The following PRR5L variants were observed in gnomAD, a reference collection of about 807,000 sequenced individuals.
The protein encoded by PRR5L is proline-rich protein 5-like.
PRR5L carries 21 observed loss-of-function variants against 36.4 expected under a neutral mutation model. The observed-to-expected ratio is 0.58, with a 90% CI of 0.41 to 0.83. PRR5L has a LOEUF of 0.83. Among genes scored for constraint, PRR5L ranks in the 40% least tolerant of loss-of-function variants. The pLI, the probability that PRR5L is intolerant of heterozygous loss-of-function variation, is 0.00. For missense variants in PRR5L, 381 were observed against 473.3 expected, an observed-to-expected ratio of 0.80 and a Z score of 1.81; for synonymous variants, 188 against 197.0, an observed-to-expected ratio of 0.95 and a Z score of 0.38.
intron 1 of PRR5L, among the ~76,000 whole-genome samples, chr11:36,298,784 A>T (rs892803715): frequency 6.6e-6 from 1 of 152,136 alleles, no homozygotes; most frequent in Non-Finnish European, 1.5e-5. Context: ...AAGGTGTTGG[A>T]AGGTTTGTTT....
intron 1 of PRR5L, among the ~76,000 whole-genome samples, chr11:36,359,420 ATTAAT>A (rs1857061899): frequency 6.6e-6 from 1 of 152,178 alleles, no homozygotes; most frequent in Non-Finnish European, 1.5e-5. Flanking sequence ...TTTGAAATGG[ATTAAT>A]TTGTTACTGG....
At chr11:36,431,405 G>C (rs1858489879) in intron 4 of PRR5L, among the ~76,000 whole-genome samples, 1 of 152,132 alleles carries the variant, frequency 6.6e-6, no homozygotes, top group African/African-American at 2.4e-5. Flanking sequence ...TGCTGCTTAA[G>C]ATTTTGCACG....
At chr11:36,321,951 T>C (rs1286000684) in intron 1 of PRR5L, among the ~76,000 whole-genome samples, 1 of 152,182 alleles carries the variant, frequency 6.6e-6, no homozygotes, top group African/African-American at 2.4e-5. Context: ...AGCCCACTTA[T>C]TTAATGTCGT....
At chr11:36,353,574 G>A (rs61878710) in intron 1 of PRR5L, among the ~76,000 whole-genome samples, 38,403 of 152,058 alleles carry the variant, frequency 0.25, 5,548 homozygotes, top group Non-Finnish European at 0.33. Context: ...CCAGGGACTA[G>A]TTTTGTGGAA....
intron 3 of PRR5L, among the ~76,000 whole-genome samples, chr11:36,405,380 G>A (rs1857888520): frequency 6.6e-6 from 1 of 152,122 alleles, no homozygotes; most frequent in African/African-American, 2.4e-5. Flanking sequence ...CCAAACATTG[G>A]TGCAGGCCAA....
intron 8 of PRR5L, among the ~76,000 whole-genome samples, chr11:36,453,505 G>A (rs1406620955): frequency 6.6e-6 from 1 of 152,234 alleles, no homozygotes; most frequent in African/African-American, 2.4e-5. Flanking sequence ...TGCCTCTAGA[G>A]AGTTGTCGCA....
intron 6 of PRR5L, among the ~76,000 whole-genome samples, chr11:36,445,808 T>G (rs2133617251): frequency 6.6e-6 from 1 of 152,342 alleles, no homozygotes; most frequent in East Asian, 1.9e-4. Context: ...TCCCCACAAT[T>G]GAACAAATCC....
intron 1 of PRR5L, among the ~76,000 whole-genome samples, chr11:36,333,199 C>A (rs1016160178): frequency 6.6e-6 from 1 of 152,036 alleles, no homozygotes; most frequent in Non-Finnish European, 1.5e-5. Flanking sequence ...TATTGAGAAC[C>A]CATTAGAATG....
chr11:36,314,152 G>A (rs756657470), intron 1 of PRR5L, among the ~76,000 whole-genome samples: 11 of 152,232 alleles, frequency 7.2e-5, no homozygotes, highest in East Asian at 5.8e-4. Flanking sequence ...GAGTCTTTTC[G>A]TTTATTTGTT....
At chr11:36,408,612 C>T (rs932778152) in intron 3 of PRR5L, among the ~76,000 whole-genome samples, 1 of 152,064 alleles carries the variant, frequency 6.6e-6, no homozygotes, top group Non-Finnish European at 1.5e-5. Flanking sequence ...TTTAACACCC[C>T]TCTCCAGCCT....
At position 36,350,298 on chromosome 11, in the gene PRR5L, T is replaced by TGTGTGG. The variant is rs200266364; in HGVS notation, c.-125-50687_-125-50682dup. 2.5e-3 allele frequency among the ~76,000 whole-genome samples: 368 copies of TGTGTGG among 149,796 alleles called. 1 individual carries two copies. Among genetic ancestry groups the TGTGTGG allele is most frequent in the African/African-American group, 8.6e-3 (350 of 40,694 alleles). On this transcript the variant is annotated intron_variant, in intron 1 of 8. Coordinates refer to ENST00000530639, the MANE Select transcript of PRR5L (RefSeq NM_001160167.2). Reference sequence around the variant, plus strand: ...GTGTGAGTCTGTGAATGTGAGAGTGTGTGTGGGTGTGGGTGTGTGTGAATG... The same window carrying TGTGTGG: ...GTGTGAGTCTGTGAATGTGAGAGTGTGTGTGGGTGTGGGTGTGGGTGTGTGTGAATG...
intron 1 of PRR5L, among the ~76,000 whole-genome samples, chr11:36,387,004 C>A (rs567397887): frequency 6.6e-6 from 1 of 152,094 alleles, no homozygotes; most frequent in East Asian, 1.9e-4. Flanking sequence ...AATGGGCTGG[C>A]GCAGGGGCAG....
intron 1 of PRR5L, among the ~76,000 whole-genome samples, chr11:36,306,180 T>C (rs1856429619): frequency 6.6e-6 from 1 of 152,180 alleles, no homozygotes; most frequent in African/African-American, 2.4e-5. Context: ...ACATGTGCCA[T>C]GTTGCTTTGC....
At chr11:36,439,868 C>T (rs1305997915) in intron 6 of PRR5L, among the ~76,000 whole-genome samples, 1 of 152,066 alleles carries the variant, frequency 6.6e-6, no homozygotes, top group Non-Finnish European at 1.5e-5. Context: ...GGGATATGCA[C>T]TGTTATTTTT....
At chr11:36,425,160 C>T (rs1011930414) in intron 4 of PRR5L, among the ~76,000 whole-genome samples, 10 of 152,218 alleles carry the variant, frequency 6.6e-5, no homozygotes, top group African/African-American at 2.4e-4. Context: ...GATTGTGAGG[C>T]ACGCTCAAGT....
intron 4 of PRR5L, among the ~76,000 whole-genome samples, chr11:36,430,301 A>G (rs1429068696): frequency 6.6e-6 from 1 of 152,150 alleles, no homozygotes; most frequent in Non-Finnish European, 1.5e-5. Flanking sequence ...AATCCCATCT[A>G]CACAGGAGGC....
intron 1 of PRR5L, among the ~76,000 whole-genome samples, chr11:36,375,423 C>T (rs1857244710): frequency 6.6e-6 from 1 of 151,996 alleles, no homozygotes. Context: ...GCTCTCATGC[C>T]CACAACCACC....
In PRR5L at chr11:36,344,899, C is replaced by T. The variant is rs570975061; in HGVS notation, c.-126+48461C>T. ...TTTGGCATTTTTGAAGCATTTTTGCCAAGCTTGATTTGTTAAAATTTAGCA... is the reference window on the plus strand; with the variant it reads ...TTTGGCATTTTTGAAGCATTTTTGCTAAGCTTGATTTGTTAAAATTTAGCA... On this transcript the variant is annotated intron_variant, in intron 1 of 8. Coordinates refer to ENST00000530639, the MANE Select transcript of PRR5L (RefSeq NM_001160167.2). The surrounding 1 kb of genome is among the most constrained non-coding windows in gnomAD (Gnocchi z 4.1). Among the ~76,000 whole-genome samples the T allele has an allele frequency of 3.3e-5, 5 of 152,200 alleles. No individual in the cohort carries two copies. The highest frequency in any genetic ancestry group is 1.2e-4 in the African/African-American group (5 of 41,490).
chr11:36,420,878 C>T (rs1246880896), intron 4 of PRR5L, among the ~76,000 whole-genome samples: 2 of 150,232 alleles, frequency 1.3e-5, no homozygotes, highest in Admixed American at 6.6e-5. Flanking sequence ...CACACACACA[C>T]GGACAGCTCC....
Sources: allele counts gnomAD v4.1 joint callset (sites outside exome capture counted in the v4.1 genomes callset), GRCh38; gene constraint gnomAD v4.1.1; non-coding constraint Gnocchi (gnomAD v3.1); transcripts MANE v1.5; gene names NCBI Gene and HGNC (gene_info 2026-07-23, HGNC 2026-07-21).